Variants in CBLN1 observed in about 807,000 individuals in gnomAD.
CBLN1 encodes cerebellin-1.
CBLN1 carries 5 observed loss-of-function variants against 15.9 expected under a neutral mutation model. The ratio of observed to expected loss-of-function variants is 0.31; its 90% CI spans 0.16 to 0.66. The LOEUF is 0.66. CBLN1 is among the 30% of genes least tolerant of loss of function. CBLN1 has a pLI of 0.75. For missense variants in CBLN1, 164 were observed against 253.7 expected (o/e 0.65, Z 2.40); for synonymous variants, 90 against 107.6 (o/e 0.84, Z 1.01).
At chr16:49,279,714 A>AGGGGGGGGG in intron 2 of CBLN1, 113 bp from the exon 3 acceptor site, 2 of 164,738 alleles carry the variant, frequency 1.2e-5, no homozygotes, top group Non-Finnish European at 2.2e-5. Context: ...GGAAGCACGG[A>AGGGGGGGGG]GAGGTGGGGG....
At chr16:49,280,208 G>C (rs1285244781) in intron 2 of CBLN1, among the ~76,000 whole-genome samples, 1 of 152,158 alleles carries the variant, frequency 6.6e-6, no homozygotes, top group Non-Finnish European at 1.5e-5. Flanking sequence ...GCCACCGCCT[G>C]GTTTTGCCCC....
Position 49,281,594 on chromosome 16 carries a change from A to G in CBLN1, c.-129T>C. 2.0e-6 allele frequency: 1 copy of G among 500,578 alleles called. No homozygotes were observed. The highest frequency in any genetic ancestry group is 3.1e-6 in the Non-Finnish European group (1 of 318,134). 31.0% of individuals were successfully genotyped at this position (500,578 alleles called of 1,614,324 possible). On this transcript the variant is annotated 5_prime_UTR_variant, in exon 1 of 3. Coordinates refer to ENST00000219197, the MANE Select transcript of CBLN1 (RefSeq NM_004352.4). ...CAGCTCCGCCGCCGCCGCTCTGGAC[A>G]CTACACCTCTTCCTCGCACTCCGGG...
At chr16:49,281,171 T>A (rs755986799) in intron 1 of CBLN1, 31 bp downstream of exon 1, 20 of 1,614,016 alleles carry the variant, frequency 1.2e-5, no homozygotes, top group Middle Eastern at 1.6e-4. Context: ...ACCAGCCCAA[T>A]CTGCACGCCG....
intron 2 of CBLN1, 50 bp from the exon 3 acceptor site, chr16:49,279,651 A>T (rs1342561295): frequency 6.4e-7 from 1 of 1,553,628 alleles, no homozygotes; most frequent in Non-Finnish European, 8.8e-7. Context: ...GCAGGCACCG[A>T]AGCCGCGGTG....
intron 2 of CBLN1, among the ~76,000 whole-genome samples, chr16:49,280,050 A>C (rs1490048758): frequency 6.6e-6 from 1 of 152,148 alleles, no homozygotes; most frequent in East Asian, 1.9e-4. Context: ...ACGAACAAAC[A>C]AAAAGCCCCT....
chr16:49,279,686 T>A, intron 2 of CBLN1, 85 bp from the exon 3 acceptor site: 2 of 962,170 alleles, frequency 2.1e-6, no homozygotes, highest in Non-Finnish European at 3.0e-6. Context: ...CTTGCTTGGC[T>A]AACAGCCTGT....
Position 49,279,309 on chromosome 16 carries a change from G to T in CBLN1, c.*95C>A. 8.6e-7 allele frequency: 1 copy of T among 1,167,096 alleles called. No individual in the cohort carries two copies. The highest frequency in any genetic ancestry group is 1.9e-5 in the Admixed American group (1 of 54,030). 72.3% of individuals were successfully genotyped at this position (1,167,096 alleles called of 1,614,324 possible). A position where few individuals can be genotyped will look rare whatever the true frequency, so the allele number is the denominator to read the frequency against. On this transcript the variant is annotated 3_prime_UTR_variant, in exon 3 of 3. Coordinates refer to ENST00000219197, the MANE Select transcript of CBLN1 (RefSeq NM_004352.4). ...TTAGAGAACATGTAGGAAGTTTCAA[G>T]TCGTGCTGCTTTCTCGCCCTCTTAA... is the stretch of plus-strand genomic sequence containing the variant.
chr16:49,278,969 GA>G lies in CBLN1; in HGVS notation c.*434del, dbSNP rs373717138. On this transcript the variant is annotated 3_prime_UTR_variant, in exon 3 of 3. Coordinates refer to ENST00000219197, the MANE Select transcript of CBLN1 (RefSeq NM_004352.4). ...ACAAAACTTTACCCCTTTCCAAACT[GA>G]AAAAAAAAAGGTTGGGGGTGTGTAA... The G allele has an allele frequency of 2.4e-4, 37 of 151,658 alleles. No individual in the cohort carries two copies. Among genetic ancestry groups the G allele is most frequent in the South Asian group, 4.2e-4 (2 of 4,812 alleles). The allele number at this position is 151,658 out of a possible 1,614,324, so 9.4% of individuals were successfully genotyped here.
intron 2 of CBLN1, 92 bp from the exon 3 acceptor site, chr16:49,279,693 C>G: frequency 2.2e-5 from 12 of 549,418 alleles, no homozygotes; most frequent in East Asian, 5.0e-5. Flanking sequence ...GGCTAACAGC[C>G]TGTAAGGCCT....
At chr16:49,281,106 C>T in intron 1 of CBLN1, 64 bp from the exon 2 acceptor site, 2 of 1,614,158 alleles carry the variant, frequency 1.2e-6, no homozygotes, top group Non-Finnish European at 1.7e-6. Flanking sequence ...GTCCCCGCGC[C>T]TCCGCAGAGC....
rs1309850509 is a variant in CBLN1 at position 49,281,182 on chromosome 16, CG to C, written c.264+19del. On this transcript the variant is annotated intron_variant, in intron 1 of 2. Transcript: ENST00000219197. Reference sequence around the variant, plus strand: ...CTTCACCAGCCCAATCTGCACGCCGCGGGAGGAAGGAACACTCACCTGGTCG... The same window carrying C: ...CTTCACCAGCCCAATCTGCACGCCGCGGAGGAAGGAACACTCACCTGGTCG... The C allele has an allele frequency of 6.2e-7, 1 of 1,614,182 alleles. No individual in the cohort carries two copies. The highest frequency in any genetic ancestry group is 1.7e-5 in the Admixed American group (1 of 60,032).
chr16:49,280,298 C>T (rs1383983294), intron 2 of CBLN1, among the ~76,000 whole-genome samples: 1 of 152,352 alleles, frequency 6.6e-6, no homozygotes, highest in South Asian at 2.1e-4. Context: ...CAAGGGAAAC[C>T]TGGACATCTT....
In CBLN1 at chr16:49,281,269, G is replaced by A; in HGVS notation, c.197C>T (p.Ala66Val). The A allele has an allele frequency of 6.2e-7, 1 of 1,614,014 alleles. No homozygotes were observed. The highest frequency in any genetic ancestry group is 2.2e-5 in the East Asian group (1 of 44,856). Residue 66 changes from alanine (A) to valine (V), a missense_variant, in exon 1 of 3, where the codon GCC (alanine) becomes GTC (valine). Coordinates refer to ENST00000219197, the MANE Select transcript of CBLN1 (RefSeq NM_004352.4). Reference protein sequence around the residue: ...RSGSAKVAFSAIRSTNHEPSE... With the variant: ...RSGSAKVAFSVIRSTNHEPSE... ...CGGCTCGTGGTTGGTGCTCCTGATG[G>A]CAGAGAAAGCCACCTTGGCGCTGCC...
At chr16:49,279,689 C>G (rs1963237436) in intron 2 of CBLN1, 88 bp from the exon 3 acceptor site, 2 of 1,027,242 alleles carry the variant, frequency 1.9e-6, no homozygotes, top group African/African-American at 1.6e-5. Flanking sequence ...GCTTGGCTAA[C>G]AGCCTGTAAG....
intron 2 of CBLN1, among the ~76,000 whole-genome samples, chr16:49,280,702 TTC>T (rs1201157329): frequency 6.6e-6 from 1 of 151,948 alleles, no homozygotes. Context: ...AAGCAGAAAA[TTC>T]TGTCTCTCGG....
rs756146057 is a variant in CBLN1, at chr16:49,279,369, G to T, written c.*35C>A. ...CTTTCTCACTCCCCTTCCTGCCTTC[G>T]CCCTCTCCCTGCCTCCCTTCCGGCT... On this transcript the variant is annotated 3_prime_UTR_variant, in exon 3 of 3. Coordinates refer to ENST00000219197, the MANE Select transcript of CBLN1 (RefSeq NM_004352.4). 1.3e-6 allele frequency: 2 copies of T among 1,597,702 alleles called. No individual in the cohort carries two copies. Among genetic ancestry groups the T allele is most frequent in the South Asian group, 2.2e-5 (2 of 90,720 alleles).
In CBLN1 at chr16:49,279,374, C is replaced by T; in HGVS notation, c.*30G>A. The stretch of plus-strand genomic sequence containing the variant: ...TCACTCCCCTTCCTGCCTTCGCCCT[C>T]TCCCTGCCTCCCTTCCGGCTACGAG... On this transcript the variant is annotated 3_prime_UTR_variant, in exon 3 of 3. Coordinates refer to ENST00000219197, the MANE Select transcript of CBLN1 (RefSeq NM_004352.4). The T allele has an allele frequency of 6.2e-7, 1 of 1,609,162 alleles. No individual in the cohort carries two copies. The highest frequency in any genetic ancestry group is 8.5e-7 in the Non-Finnish European group (1 of 1,175,484).
chr16:49,280,444 A>G (rs1714104941), intron 2 of CBLN1, among the ~76,000 whole-genome samples: 2 of 152,134 alleles, frequency 1.3e-5, no homozygotes, highest in African/African-American at 4.8e-5. Context: ...AAAAACCCAC[A>G]GTCCGCACGG....
In CBLN1 at chr16:49,281,381, C is replaced by T; in HGVS notation, c.85G>A (p.Val29Met). 2 of 1,607,968 alleles carry T rather than the reference C, an allele frequency of 1.2e-6. No homozygotes were observed. Among genetic ancestry groups the T allele is most frequent in the Non-Finnish European group, 1.7e-6 (2 of 1,179,786 alleles). ...ACCACCAGGCACTTGCCCTCCAGCA[C>T]GATGGGCTCCGTCTCATTCTGCCCG... ...ARGQNETEPI[V>M]LEGKCLVVCD... The change falls in exon 1 of 3, where the codon GTG becomes ATG. Residue 29 changes from valine (V) to methionine (M), a missense_variant. Transcript: ENST00000219197.
Sources: gnomAD v4.1 joint callset for allele counts (sites outside exome capture counted in the v4.1 genomes callset) on GRCh38, gnomAD v4.1.1 for gene constraint, MANE v1.5 for transcripts, NCBI Gene and HGNC (gene_info 2026-07-23, HGNC 2026-07-21) for gene names.